The following SLC35F1 variants were observed in gnomAD, a reference collection of about 807,000 sequenced individuals.
SLC35F1 encodes chromosome 6 open reading frame 169.
Under a neutral mutation model 48.7 loss-of-function variants are expected in SLC35F1, and 14 were observed. That is an observed-to-expected ratio of 0.29 (90% CI 0.19 to 0.45). SLC35F1 has a LOEUF of 0.45. Ranked by LOEUF, SLC35F1 falls within the 20% of genes least tolerant of loss-of-function variation. The probability of loss-of-function intolerance (pLI) is 1.00; values close to 1 mark genes in which losing one functional copy is unlikely to be tolerated. For synonymous variants in SLC35F1, 190 were observed against 202.2 expected (o/e 0.94, Z 0.51); for missense variants, 404 against 500.0 (o/e 0.81, Z 1.83).
intron 1 of SLC35F1, among the ~76,000 whole-genome samples, chr6:118,057,824 G>GAA (rs1293980483): frequency 6.6e-6 from 1 of 152,158 alleles, no homozygotes; most frequent in Non-Finnish European, 1.5e-5. Flanking sequence ...ACTAGAGAAG[G>GAA]AAAAGACATT....
At chr6:117,965,979 G>A (rs149986659) in intron 1 of SLC35F1, among the ~76,000 whole-genome samples, 2,794 of 149,910 alleles carry the variant, frequency 0.019, 87 homozygotes, top group African/African-American at 0.064. Context: ...GTTTGTAAAC[G>A]CACCAGTCAG....
chr6:118,033,089 G>A (rs1772077303), intron 1 of SLC35F1, among the ~76,000 whole-genome samples: 1 of 151,854 alleles, frequency 6.6e-6, no homozygotes, highest in Non-Finnish European at 1.5e-5. Context: ...ATTTTATTCA[G>A]CCTTCTCACA....
At chr6:118,235,661 T>C in intron 3 of SLC35F1, 25 bp downstream of exon 3, 3 of 1,606,496 alleles carry the variant, frequency 1.9e-6, no homozygotes, top group Non-Finnish European at 2.5e-6. Flanking sequence ...TCTTCCCTTC[T>C]CAACTTCCTC....
At position 118,054,303 on chromosome 6, in the gene SLC35F1, T is replaced by G. The variant is rs186248150; in HGVS notation, c.174-100142T>G. On this transcript the variant is annotated intron_variant, in intron 1 of 7. Transcript: ENST00000360388. The stretch of plus-strand genomic sequence containing the variant: ...GGGAACAGAATTTATTTGGCTGGGG[T>G]GAGAAGGCATAGTAATAAAATTCTC... Among the ~76,000 whole-genome samples, 550 of 152,246 alleles carry G rather than the reference T, an allele frequency of 3.6e-3. 1 individual carries two copies. The highest frequency in any genetic ancestry group is 0.017 in the Middle Eastern group (5 of 294).
At chr6:117,912,934 G>A (rs1300593987) in intron 1 of SLC35F1, among the ~76,000 whole-genome samples, 2 of 152,066 alleles carry the variant, frequency 1.3e-5, no homozygotes, top group East Asian at 3.9e-4. Flanking sequence ...GTGTCTTAGG[G>A]GCATCTTAAC....
intron 2 of SLC35F1, among the ~76,000 whole-genome samples, chr6:118,218,489 G>A (rs760903958): frequency 2.6e-5 from 4 of 152,130 alleles, no homozygotes; most frequent in African/African-American, 9.7e-5. Flanking sequence ...GAAGTAAAAA[G>A]GGCTGATGGG....
intron 1 of SLC35F1, among the ~76,000 whole-genome samples, chr6:118,064,437 A>G (rs767046533): frequency 6.6e-6 from 1 of 152,226 alleles, no homozygotes; most frequent in African/African-American, 2.4e-5. Flanking sequence ...GTTCCAAACC[A>G]CAGCACAATA....
At chr6:117,948,821 G>A (rs1582580105) in intron 1 of SLC35F1, among the ~76,000 whole-genome samples, 1 of 152,036 alleles carries the variant, frequency 6.6e-6, no homozygotes, top group Non-Finnish European at 1.5e-5. Flanking sequence ...GGGTTGAAGA[G>A]TACTTCACGC....
intron 1 of SLC35F1, among the ~76,000 whole-genome samples, chr6:118,094,001 T>C (rs1773113802): frequency 6.6e-6 from 1 of 152,202 alleles, no homozygotes; most frequent in African/African-American, 2.4e-5. Context: ...AAGCGATGCA[T>C]GTAAACCGAT....
At chr6:118,098,680 T>C (rs551143291) in intron 1 of SLC35F1, among the ~76,000 whole-genome samples, 2 of 152,298 alleles carry the variant, frequency 1.3e-5, no homozygotes, top group East Asian at 1.9e-4. Flanking sequence ...TTCTCTCCAA[T>C]GTATGTCTTA....
chr6:117,943,536 A>G (rs1776258854), intron 1 of SLC35F1, among the ~76,000 whole-genome samples: 1 of 152,212 alleles, frequency 6.6e-6, no homozygotes, highest in Non-Finnish European at 1.5e-5. Context: ...AATTTTGTGT[A>G]AAGTTCTTAT....
chr6:118,169,170 T>C (rs1305748866), intron 2 of SLC35F1, among the ~76,000 whole-genome samples: 1 of 152,156 alleles, frequency 6.6e-6, no homozygotes, highest in Non-Finnish European at 1.5e-5. Context: ...TCCTAATGTG[T>C]TTTCAGAAAG....
At chr6:118,288,582 C>G (rs1218063627) in intron 7 of SLC35F1, among the ~76,000 whole-genome samples, 3 of 152,098 alleles carry the variant, frequency 2.0e-5, no homozygotes, top group African/African-American at 7.2e-5. Context: ...GATGAAGCCT[C>G]CAAGTAGCAG....
At chr6:118,227,044 C>G (rs1310373719) in intron 2 of SLC35F1, among the ~76,000 whole-genome samples, 2 of 152,126 alleles carry the variant, frequency 1.3e-5, no homozygotes, top group Non-Finnish European at 2.9e-5. Context: ...GGTGGAATAA[C>G]CTGGGTGACA....
chr6:118,205,003 GGCAGGAAA>G (rs1774916332), intron 2 of SLC35F1, among the ~76,000 whole-genome samples: 1 of 152,168 alleles, frequency 6.6e-6, no homozygotes, highest in Non-Finnish European at 1.5e-5. Flanking sequence ...TCCCTAGTAA[GGCAGGAAA>G]GCCTTTCACC....
intron 1 of SLC35F1, among the ~76,000 whole-genome samples, chr6:117,928,104 TGTGA>T (rs1220915221): frequency 2.0e-5 from 3 of 152,130 alleles, no homozygotes; most frequent in African/African-American, 7.2e-5. Flanking sequence ...CATGCTGCTT[TGTGA>T]GTGTTTTCTG....
intron 1 of SLC35F1, among the ~76,000 whole-genome samples, chr6:117,972,926 A>T (rs1426361585): frequency 6.6e-6 from 1 of 152,246 alleles, no homozygotes; most frequent in Non-Finnish European, 1.5e-5. Flanking sequence ...TACAAGCATT[A>T]TGATAAATGT....
intron 1 of SLC35F1, among the ~76,000 whole-genome samples, chr6:118,050,007 C>T (rs1428535584): frequency 6.6e-6 from 1 of 152,084 alleles, no homozygotes. Context: ...AAATGTGGCA[C>T]ATATACACCA....
At chr6:117,989,546 G>T (rs58880884) in intron 1 of SLC35F1, among the ~76,000 whole-genome samples, 2,553 of 152,212 alleles carry the variant, frequency 0.017, 75 homozygotes, top group African/African-American at 0.058. Context: ...GGCCTCTTTG[G>T]TTCACCGAGG....
Sources: allele counts gnomAD v4.1 joint callset (sites outside exome capture counted in the v4.1 genomes callset), GRCh38; gene constraint gnomAD v4.1.1; transcripts MANE v1.5; gene names NCBI Gene and HGNC (gene_info 2026-07-23, HGNC 2026-07-21).